PLPPR1: variants seen among roughly 807,000 people sequenced by gnomAD.
The protein encoded by PLPPR1 is phospholipid phosphatase related 1, also known as phospholipid phosphatase-related protein type 1.
Under a neutral mutation model 33.1 loss-of-function variants are expected in PLPPR1, and 10 were observed. That is an observed-to-expected ratio of 0.30 (90% confidence interval 0.19 to 0.51). The LOEUF is 0.51. Ranked by LOEUF, PLPPR1 falls within the 20% of genes least tolerant of loss-of-function variation. The pLI is 0.97. For missense variants in PLPPR1, 304 were observed against 408.1 expected, an observed-to-expected ratio of 0.74 and a Z score of 2.20; for synonymous variants, 151 against 151.0, an observed-to-expected ratio of 1.00 and a Z score of 0.00.
At chr9:101,257,563 T>C (rs902178620) in intron 2 of PLPPR1, among the ~76,000 whole-genome samples, 1 of 152,142 alleles carries the variant, frequency 6.6e-6, no homozygotes, top group African/African-American at 2.4e-5. Flanking sequence ...GCCATCACAT[T>C]ATGCTGTGAA....
At chr9:101,040,326 G>A (rs1280735875) in intron 1 of PLPPR1, among the ~76,000 whole-genome samples, 2 of 152,106 alleles carry the variant, frequency 1.3e-5, no homozygotes, top group Non-Finnish European at 2.9e-5. Flanking sequence ...ACTGAGGTGT[G>A]AATGTTAAGA....
At chr9:101,295,587 C>A (rs994409709) in intron 4 of PLPPR1, among the ~76,000 whole-genome samples, 10 of 149,890 alleles carry the variant, frequency 6.7e-5, no homozygotes, top group African/African-American at 1.7e-4. Flanking sequence ...CAGCATGGTA[C>A]TGGTACCAAA....
chr9:101,145,570 C>T (rs393399), intron 1 of PLPPR1, among the ~76,000 whole-genome samples: 71,136 of 151,698 alleles, frequency 0.47, 17,162 homozygotes, highest in Non-Finnish European at 0.53. Flanking sequence ...TTAGTAGAGA[C>T]GGGTTTCACC....
rs76330815 is a variant in PLPPR1, at chr9:101,145,322, C to T, written c.-45-40128C>T. On this transcript the variant is annotated intron_variant, in intron 1 of 7. Coordinates refer to ENST00000374874, the MANE Select transcript of PLPPR1 (RefSeq NM_207299.2). ...TTAAGGTAGTTCATGTGTTAATTAG[C>T]TTGATTTAGCCAGTTCATAATGTAT... Among the ~76,000 whole-genome samples, 668 of 152,286 alleles carry T rather than the reference C, an allele frequency of 4.4e-3. 3 individuals are homozygous for T. Among genetic ancestry groups the T allele is most frequent in the African/African-American group, 0.015 (627 of 41,550 alleles).
rs552531046 is a variant in PLPPR1 at position 101,247,442 on chromosome 9, C to A, written c.64-22438C>A. Among the ~76,000 whole-genome samples, 5 of 152,102 alleles carry A rather than the reference C, an allele frequency of 3.3e-5. No individual in the cohort carries two copies. The South Asian group carries it at 1.0e-3, about 32-fold the overall frequency. On this transcript the variant is annotated intron_variant, in intron 2 of 7. Coordinates refer to ENST00000374874, the MANE Select transcript of PLPPR1 (RefSeq NM_207299.2). ...AGCCACCATAGAAAAAGGAAGGGGG[C>A]CTCAAGAGAGATTTATGAGGAAAAG...
At chr9:101,157,264 T>A (rs973102371) in intron 1 of PLPPR1, among the ~76,000 whole-genome samples, 8 of 152,182 alleles carry the variant, frequency 5.3e-5, no homozygotes, top group Non-Finnish European at 1.5e-5. Context: ...GCCAAGTGAT[T>A]GATTGGTCAT....
intron 4 of PLPPR1, among the ~76,000 whole-genome samples, chr9:101,298,176 G>A (rs1351852674): frequency 2.0e-5 from 3 of 152,086 alleles, no homozygotes; most frequent in African/African-American, 7.2e-5. Context: ...GCAAACATTA[G>A]ACTATTAGCA....
intron 1 of PLPPR1, among the ~76,000 whole-genome samples, chr9:101,090,482 G>C (rs1455614071): frequency 6.6e-6 from 1 of 152,138 alleles, no homozygotes; most frequent in Non-Finnish European, 1.5e-5. Context: ...TATTGAAATT[G>C]TGCATTTTCT....
rs577246423 is a variant in PLPPR1, at chr9:101,215,895, G to A, written c.63+30338G>A. 1.8e-4 allele frequency among the ~76,000 whole-genome samples: 27 copies of A among 152,190 alleles called. No homozygotes were observed. The South Asian group carries it at 4.6e-3, about 26-fold the overall frequency. ...TTCCTTTATCCATTCATCTGCTGAT[G>A]GACACCTAGGTTGCTTCCAAATCTT... On this transcript the variant is annotated intron_variant, in intron 2 of 7. Transcript: ENST00000374874.
chr9:101,212,152 G>A (rs944914296), intron 2 of PLPPR1, among the ~76,000 whole-genome samples: 2 of 151,262 alleles, frequency 1.3e-5, no homozygotes, highest in Admixed American at 6.6e-5. Flanking sequence ...GTGTGATCTC[G>A]GCTCACTGTA....
chr9:101,055,626 T>C (rs1159332442), intron 1 of PLPPR1, among the ~76,000 whole-genome samples: 2 of 152,250 alleles, frequency 1.3e-5, no homozygotes, highest in African/African-American at 2.4e-5. Flanking sequence ...CTTTAGATCA[T>C]ATAAAATCAC....
chr9:101,090,933 C>G (rs1830733815), intron 1 of PLPPR1, among the ~76,000 whole-genome samples: 1 of 151,672 alleles, frequency 6.6e-6, no homozygotes. Flanking sequence ...TGTGCTAGGT[C>G]CCTTCCTATC....
At chr9:101,052,660 A>G (rs1830235813) in intron 1 of PLPPR1, among the ~76,000 whole-genome samples, 1 of 152,196 alleles carries the variant, frequency 6.6e-6, no homozygotes, top group African/African-American at 2.4e-5. Flanking sequence ...GTAATAGAGG[A>G]CAAGCCCCAA....
At chr9:101,291,649 G>A (rs1588113510) in intron 4 of PLPPR1, among the ~76,000 whole-genome samples, 1 of 152,342 alleles carries the variant, frequency 6.6e-6, no homozygotes, top group South Asian at 2.1e-4. Context: ...CCGCTGTTCT[G>A]CAGCCACTGC....
chr9:101,179,299 C>G (rs117787103), intron 1 of PLPPR1, among the ~76,000 whole-genome samples: 3,011 of 152,276 alleles, frequency 0.02, 46 homozygotes, highest in Non-Finnish European at 0.03. Context: ...AAAAAAAGCA[C>G]AACCTGCTGA....
intron 1 of PLPPR1, among the ~76,000 whole-genome samples, chr9:101,127,055 A>G (rs947709295): frequency 3.9e-5 from 6 of 152,138 alleles, no homozygotes; most frequent in African/African-American, 1.2e-4. Context: ...CTAAGTACTA[A>G]CTTTCACTCC....
chr9:101,283,862 C>A (rs564207604), intron 3 of PLPPR1, among the ~76,000 whole-genome samples: 2 of 151,704 alleles, frequency 1.3e-5, no homozygotes, highest in East Asian at 1.9e-4. Flanking sequence ...AAATGGCCAA[C>A]AAATATATGA....
rs576331493 is a variant in PLPPR1, at chr9:101,133,880, T to C, written c.-45-51570T>C. ...GTCCCAGCTCCACTCCTTACTACTC[T>C]GAGTTTTGGCAAGTTGCTTAACCTT... On this transcript the variant is annotated intron_variant, in intron 1 of 7. Transcript: ENST00000374874. 6.6e-5 allele frequency among the ~76,000 whole-genome samples: 10 copies of C among 152,352 alleles called. No individual in the cohort carries two copies. In the South Asian group the frequency reaches 2.1e-3, roughly 32 times the overall value.
At chr9:101,280,548 C>A (rs1400310955) in intron 3 of PLPPR1, among the ~76,000 whole-genome samples, 2 of 151,948 alleles carry the variant, frequency 1.3e-5, no homozygotes, top group Admixed American at 1.3e-4. Context: ...CAACAGAATA[C>A]TAGCAACAAC....
Sources: gnomAD v4.1 joint callset for allele counts (sites outside exome capture counted in the v4.1 genomes callset) on GRCh38, gnomAD v4.1.1 for gene constraint, MANE v1.5 for transcripts, NCBI Gene and HGNC (gene_info 2026-07-23, HGNC 2026-07-21) for gene names.